Variants in RBFOX2 observed in about 807,000 individuals in gnomAD.
The protein encoded by RBFOX2 is RNA binding protein fox-1 homolog 2.
In RBFOX2, 10 loss-of-function variants were observed where a neutral mutation model predicts 49.1. The observed-to-expected ratio is 0.20, with a 90% CI of 0.13 to 0.35. The LOEUF (loss-of-function observed/expected upper bound fraction) is 0.35. Ranked by LOEUF, RBFOX2 falls within the 10% of genes least tolerant of loss-of-function variation. The pLI is 1.00. For synonymous variants in RBFOX2, 183 were observed against 187.4 expected (o/e 0.98, Z 0.19); for missense variants, 323 against 486.9 (o/e 0.66, Z 3.17).
At chr22:35,873,911 C>T (rs2044682646) in intron 1 of RBFOX2, among the ~76,000 whole-genome samples, 1 of 152,102 alleles carries the variant, frequency 6.6e-6, no homozygotes, top group African/African-American at 2.4e-5. Context: ...GAACTCCTGG[C>T]CTCAAGTGCT....
chr22:35,864,047 T>G (rs1231953487), intron 1 of RBFOX2, among the ~76,000 whole-genome samples: 3 of 152,236 alleles, frequency 2.0e-5, no homozygotes, highest in Non-Finnish European at 4.4e-5. Flanking sequence ...TCATTAATAA[T>G]GATTCATCTG....
chr22:35,955,378 G>A (rs976700927), intron 1 of RBFOX2, among the ~76,000 whole-genome samples: 1 of 151,950 alleles, frequency 6.6e-6, no homozygotes, highest in African/African-American at 2.4e-5. Context: ...CATTATATTA[G>A]CCTAAAAAAT....
intron 1 of RBFOX2, chr22:35,961,427 C>T (rs1382403975): frequency 2.3e-6 from 2 of 876,534 alleles, no homozygotes; most frequent in East Asian, 7.1e-5. Flanking sequence ...TTAAATCAGG[C>T]ATTAATGCAG....
intron 1 of RBFOX2, among the ~76,000 whole-genome samples, chr22:36,011,744 G>C (rs2058830790): frequency 6.6e-6 from 1 of 152,032 alleles, no homozygotes. Flanking sequence ...GAATATATAT[G>C]CATTAAGAAA....
At chr22:35,907,029 C>T (rs2049198566) in intron 1 of RBFOX2, among the ~76,000 whole-genome samples, 1 of 152,056 alleles carries the variant, frequency 6.6e-6, no homozygotes, top group African/African-American at 2.4e-5. Context: ...TGTTGGAAAA[C>T]ATGGCAAAGA....
chr22:35,900,650 C>G (rs1181016700), intron 1 of RBFOX2, among the ~76,000 whole-genome samples: 4 of 151,342 alleles, frequency 2.6e-5, no homozygotes, highest in Non-Finnish European at 5.9e-5. Flanking sequence ...TTCCTCTCAG[C>G]TTAAAATAGC....
intron 6 of RBFOX2, among the ~76,000 whole-genome samples, chr22:35,764,785 T>C (rs928316275): frequency 3.3e-5 from 5 of 152,186 alleles, no homozygotes; most frequent in Non-Finnish European, 7.3e-5. Flanking sequence ...ATTAAATTTA[T>C]ATTCCATCTC....
intron 1 of RBFOX2, among the ~76,000 whole-genome samples, chr22:36,008,900 C>T (rs528924208): frequency 2.0e-5 from 3 of 152,230 alleles, no homozygotes; most frequent in African/African-American, 7.2e-5. Context: ...TACAATCTAT[C>T]TTCAAAACAC....
At chr22:35,857,827 A>G (rs2042682040) in intron 1 of RBFOX2, among the ~76,000 whole-genome samples, 1 of 152,258 alleles carries the variant, frequency 6.6e-6, no homozygotes, top group South Asian at 2.1e-4. Flanking sequence ...GAAGGCAGAA[A>G]TAGAAACAGA....
chr22:35,854,919 T>A (rs1207549780), intron 1 of RBFOX2, among the ~76,000 whole-genome samples: 1 of 152,018 alleles, frequency 6.6e-6, no homozygotes. Flanking sequence ...CTACAAAAAA[T>A]CAAATTATAA....
chr22:35,927,172 G>C (rs2051745262), intron 1 of RBFOX2, among the ~76,000 whole-genome samples: 1 of 152,144 alleles, frequency 6.6e-6, no homozygotes, highest in East Asian at 1.9e-4. Flanking sequence ...AATTTCATAA[G>C]GGAGATTAAG....
chr22:35,881,678 G>C (rs2045922751), intron 1 of RBFOX2, among the ~76,000 whole-genome samples: 1 of 151,192 alleles, frequency 6.6e-6, no homozygotes, highest in Non-Finnish European at 1.5e-5. Flanking sequence ...AGAAAACTTA[G>C]GGCCGGGCAC....
chr22:35,908,134 A>G (rs1286269188), intron 1 of RBFOX2, among the ~76,000 whole-genome samples: 2 of 152,220 alleles, frequency 1.3e-5, no homozygotes, highest in African/African-American at 4.8e-5. Flanking sequence ...TGATAGAAAT[A>G]AAATTTTAAC....
intron 1 of RBFOX2, among the ~76,000 whole-genome samples, chr22:35,826,971 TG>T (rs1955892430): frequency 6.6e-6 from 1 of 152,094 alleles, no homozygotes; most frequent in South Asian, 2.1e-4. Context: ...ACACTGTGGA[TG>T]GGGGGATTAC....
chr22:36,006,852 C>T (rs2058637524), intron 1 of RBFOX2, among the ~76,000 whole-genome samples: 1 of 152,176 alleles, frequency 6.6e-6, no homozygotes, highest in Non-Finnish European at 1.5e-5. Context: ...CCCTCAATTC[C>T]TCCATTATGC....
intron 10 of RBFOX2, 27 bp from the exon 13 acceptor site, chr22:35,746,022 G>A (rs1404300752): frequency 1.3e-6 from 2 of 1,580,994 alleles, no homozygotes. Flanking sequence ...CAATCAGACA[G>A]ATAAAGAAAA....
intron 1 of RBFOX2, among the ~76,000 whole-genome samples, chr22:35,828,729 G>A (rs2148622399): frequency 6.6e-6 from 1 of 152,256 alleles, no homozygotes; most frequent in African/African-American, 2.4e-5. Flanking sequence ...ACTAAACACA[G>A]CTCTAGTCCT....
At chr22:35,939,249 T>A (rs2053447890), upstream of RBFOX2, 1 of 494,616 alleles carries the variant, frequency 2.0e-6, no homozygotes, top group African/African-American at 1.9e-5. Context: ...CAGCCCCAAC[T>A]CACACTAAGC....
intron 1 of RBFOX2, among the ~76,000 whole-genome samples, chr22:35,932,918 A>G (rs2052597424): frequency 6.6e-6 from 1 of 152,220 alleles, no homozygotes; most frequent in African/African-American, 2.4e-5. Flanking sequence ...AAATATGAAA[A>G]GATAAAATTT....
Sources: allele counts gnomAD v4.1 joint callset (sites outside exome capture counted in the v4.1 genomes callset), GRCh38; gene constraint gnomAD v4.1.1; transcripts MANE v1.5; gene names NCBI Gene and HGNC (gene_info 2026-07-23, HGNC 2026-07-21).